The following ST6GAL1 variants were observed in gnomAD, a reference collection of about 807,000 sequenced individuals.
ST6GAL1 encodes the protein beta-galactoside alpha-2,6-sialyltransferase 1.
A neutral mutation model predicts 38.0 loss-of-function variants in ST6GAL1; 20 were observed. The observed-to-expected ratio is 0.53, with a 90% confidence interval of 0.37 to 0.77. ST6GAL1 has a LOEUF of 0.77. ST6GAL1 is among the 30% of genes least tolerant of loss of function. ST6GAL1 has a pLI of 0.00. For synonymous variants in ST6GAL1, 196 were observed against 188.2 expected (o/e 1.04, Z -0.34); for missense variants, 432 against 496.4 (o/e 0.87, Z 1.23).
chr3:187,012,245 G>T (rs1044068733), intron 2 of ST6GAL1, among the ~76,000 whole-genome samples: 1 of 151,338 alleles, frequency 6.6e-6, no homozygotes, highest in Non-Finnish European at 1.5e-5. Context: ...TGTATTTACT[G>T]CATTTTTTTT....
At chr3:187,009,844 A>G (rs1265203441) in intron 2 of ST6GAL1, among the ~76,000 whole-genome samples, 2 of 152,020 alleles carry the variant, frequency 1.3e-5, no homozygotes, top group African/African-American at 4.8e-5. Context: ...TCTCTACTAA[A>G]AAATACAATA....
At chr3:187,005,329 G>A (rs1022885804) in intron 2 of ST6GAL1, among the ~76,000 whole-genome samples, 3 of 139,566 alleles carry the variant, frequency 2.1e-5, no homozygotes, top group Admixed American at 8.0e-5. Context: ...AGGCTGGAGT[G>A]CAGTGGCGCG....
intron 1 of ST6GAL1, among the ~76,000 whole-genome samples, chr3:186,958,494 G>A (rs1006520114): frequency 1.3e-5 from 2 of 151,916 alleles, no homozygotes; most frequent in African/African-American, 4.8e-5. Flanking sequence ...AGCCATATAA[G>A]CGTGCTATTT....
At chr3:186,932,608 T>C (rs1351253272) in intron 1 of ST6GAL1, among the ~76,000 whole-genome samples, 2 of 152,236 alleles carry the variant, frequency 1.3e-5, no homozygotes, top group African/African-American at 2.4e-5. Context: ...TCAGATGTTT[T>C]GCCTCTCATC....
At chr3:187,069,292 G>A (rs1010345235) in intron 5 of ST6GAL1, among the ~76,000 whole-genome samples, 17 of 152,094 alleles carry the variant, frequency 1.1e-4, no homozygotes, top group African/African-American at 4.1e-4. Context: ...TTGCCACCAC[G>A]CCTGGCTAAT....
At chr3:186,970,921 A>G (rs1373005805) in intron 2 of ST6GAL1, among the ~76,000 whole-genome samples, 1 of 152,226 alleles carries the variant, frequency 6.6e-6, no homozygotes, top group Non-Finnish European at 1.5e-5. Context: ...ATAAATGCCG[A>G]GGAGTTCAAT....
chr3:187,021,754 A>AC (rs1430670086), intron 2 of ST6GAL1: 1 of 151,996 alleles, frequency 6.6e-6, no homozygotes, highest in Non-Finnish European at 1.5e-5. Flanking sequence ...AAAAAAAAAA[A>AC]AAAAAAACCT....
intron 2 of ST6GAL1, among the ~76,000 whole-genome samples, chr3:186,994,951 A>AC (rs34902580): frequency 6.6e-5 from 6 of 90,908 alleles, no homozygotes; most frequent in East Asian, 7.3e-4. Flanking sequence ...TCAAAAACAA[A>AC]AAAAAAAGAG....
At chr3:187,008,373 A>AAAGG (rs550824324) in intron 2 of ST6GAL1, among the ~76,000 whole-genome samples, 468 of 130,628 alleles carry the variant, frequency 3.6e-3, no homozygotes, top group African/African-American at 0.012. Flanking sequence ...AGAGAAAAGG[A>AAAGG]AAGGAAGGAA....
chr3:186,936,404 C>A (rs1579250191), intron 1 of ST6GAL1, among the ~76,000 whole-genome samples: 2 of 152,226 alleles, frequency 1.3e-5, no homozygotes, highest in East Asian at 3.9e-4. Flanking sequence ...TGATTTGTTC[C>A]ATAAGAACTG....
At chr3:186,984,764 CTCCTTCCTTCCTTCCCTTCCTCCCTTCCT>C (rs1715824204) in intron 2 of ST6GAL1, among the ~76,000 whole-genome samples, 1 of 32,160 alleles carries the variant, frequency 3.1e-5, no homozygotes, top group East Asian at 1.3e-3. Flanking sequence ...CCCTCCCTCC[CTCCTTCCTTCCTTCCCTTCCTCCCTTCCT>C]TCCTTCCTTC....
At chr3:187,050,534 AAGAGAGAGAG>A (rs147505225) in intron 4 of ST6GAL1, among the ~76,000 whole-genome samples, 3 of 87,856 alleles carry the variant, frequency 3.4e-5, no homozygotes, top group Admixed American at 1.5e-4. Context: ...CTTACAAAGA[AAGAGAGAGAG>A]AGAGAGAGAG....
intron 2 of ST6GAL1, among the ~76,000 whole-genome samples, chr3:187,008,572 T>C (rs892599556): frequency 1.1e-4 from 16 of 152,168 alleles, no homozygotes; most frequent in African/African-American, 3.6e-4. Context: ...TTTCAGGTGA[T>C]GGAAAACCAA....
At chr3:186,932,493 G>C (rs1388317545) in intron 1 of ST6GAL1, among the ~76,000 whole-genome samples, 2 of 152,202 alleles carry the variant, frequency 1.3e-5, no homozygotes, top group Non-Finnish European at 2.9e-5. Flanking sequence ...AGAAAAAATA[G>C]ATTTAGTAAT....
chr3:187,061,827 T>G (rs9843235), intron 5 of ST6GAL1, among the ~76,000 whole-genome samples: 15,081 of 152,136 alleles, frequency 0.099, 2,479 homozygotes, highest in African/African-American at 0.34. Context: ...TCGTCATTAT[T>G]ACACCAAAGG....
intron 1 of ST6GAL1, among the ~76,000 whole-genome samples, chr3:186,941,953 A>G (rs536317971): frequency 1.3e-5 from 2 of 151,894 alleles, no homozygotes; most frequent in Non-Finnish European, 2.9e-5. Context: ...CCGAGCTTGC[A>G]GTGAGCCGAG....
At chr3:187,038,405 T>G (rs912209577) in intron 2 of ST6GAL1, 1 of 151,996 alleles carries the variant, frequency 6.6e-6, no homozygotes, top group Non-Finnish European at 1.5e-5. Flanking sequence ...AGATGGAGTT[T>G]CACCGTGTTA....
chr3:186,951,777 A>G (rs1467139995), intron 1 of ST6GAL1, among the ~76,000 whole-genome samples: 2 of 152,246 alleles, frequency 1.3e-5, no homozygotes, highest in Non-Finnish European at 2.9e-5. Flanking sequence ...GGCTGTGATA[A>G]CAAAATACCG....
chr3:187,074,230 C>T lies in ST6GAL1; in HGVS notation c.876C>T (p.Pro292=). ...KTYRKLHPNQ[P]FYILKPQMPW... ...ATCGTAAGCTGCACCCCAATCAGCCCTTTTACATCCTCAAGCCCCAGATGC... is the reference window on the plus strand; with the variant it reads ...ATCGTAAGCTGCACCCCAATCAGCCTTTTTACATCCTCAAGCCCCAGATGC... Residue 292 remains proline, a synonymous_variant, in exon 7 of 8, where the codon CCC becomes CCT. Coordinates refer to ENST00000169298, the MANE Select transcript of ST6GAL1 (RefSeq NM_173216.2). 6.2e-7 allele frequency: 1 copy of T among 1,613,258 alleles called. No homozygotes were observed. Among genetic ancestry groups the T allele is most frequent in the Non-Finnish European group, 8.5e-7 (1 of 1,179,666 alleles).
Sources: allele counts gnomAD v4.1 joint callset (sites outside exome capture counted in the v4.1 genomes callset), GRCh38; gene constraint gnomAD v4.1.1; transcripts MANE v1.5; gene names NCBI Gene and HGNC (gene_info 2026-07-23, HGNC 2026-07-21).